The following PRKN variants were observed in gnomAD, a reference collection of about 807,000 sequenced individuals.
PRKN encodes the protein parkin RBR E3 ubiquitin protein ligase, also known as E3 ubiquitin-protein ligase parkin.
Under a neutral mutation model 59.5 loss-of-function variants are expected in PRKN, and 56 were observed. The ratio of observed to expected loss-of-function variants is 0.94; its 90% CI spans 0.76 to 1.18. PRKN has a LOEUF of 1.18. PRKN is among the 50% of genes most tolerant of loss of function. The pLI is 0.00. For synonymous variants in PRKN, 250 were observed against 222.1 expected (o/e 1.13, Z -1.12); for missense variants, 657 against 596.4 (o/e 1.10, Z -1.06).
intron 1 of PRKN, among the ~76,000 whole-genome samples, chr6:162,480,416 C>G (rs1792247666): frequency 6.6e-6 from 1 of 151,926 alleles, no homozygotes. Context: ...TACTGACGAC[C>G]AAAAATAGGG....
chr6:161,557,944 A>G (rs1780301051), intron 8 of PRKN, among the ~76,000 whole-genome samples: 1 of 152,138 alleles, frequency 6.6e-6, no homozygotes, highest in Non-Finnish European at 1.5e-5. Flanking sequence ...AGCTTTTGTT[A>G]CATCTCAGCC....
chr6:162,504,266 C>T (rs12524214), intron 1 of PRKN, among the ~76,000 whole-genome samples: 39,793 of 152,098 alleles, frequency 0.26, 6,354 homozygotes, highest in Middle Eastern at 0.37. Flanking sequence ...ATACGAGACA[C>T]GTGTTTTAGG....
At chr6:162,456,802 C>T (rs1020761561) in intron 1 of PRKN, among the ~76,000 whole-genome samples, 7 of 152,112 alleles carry the variant, frequency 4.6e-5, no homozygotes, top group African/African-American at 1.7e-4. Context: ...ATTAACATTG[C>T]ACTCATAGCC....
chr6:161,550,183 CA>C lies in PRKN; in HGVS notation c.934-1181del. ...ATGTGGTTGGCTGTTCAGGGTACAA[CA>C]AGGGGGGCAGTGGGGCGGAGGCAGA... On this transcript the variant is annotated intron_variant, in intron 8 of 11. Transcript: ENST00000366898. The surrounding 1 kb of genome is among the most constrained non-coding windows in gnomAD (Gnocchi z 4.0). 6.6e-6 allele frequency among the ~76,000 whole-genome samples: 1 copy of C among 152,098 alleles called. No individual in the cohort carries two copies. Among genetic ancestry groups the C allele is most frequent in the Non-Finnish European group, 1.5e-5 (1 of 67,972 alleles).
At chr6:161,901,077 G>A (rs934343196) in intron 6 of PRKN, among the ~76,000 whole-genome samples, 4 of 151,150 alleles carry the variant, frequency 2.6e-5, no homozygotes, top group African/African-American at 9.7e-5. Flanking sequence ...CAGGACGCCC[G>A]GCTAATTTTT....
At chr6:161,906,307 A>C (rs1322954492) in intron 6 of PRKN, among the ~76,000 whole-genome samples, 1 of 152,202 alleles carries the variant, frequency 6.6e-6, no homozygotes, top group African/African-American at 2.4e-5. Context: ...ACTCGTTTAC[A>C]CATTTGATAA....
chr6:162,493,366 A>G (rs552609801), intron 1 of PRKN, among the ~76,000 whole-genome samples: 34 of 152,280 alleles, frequency 2.2e-4, no homozygotes, highest in Admixed American at 9.8e-4. Context: ...TATGGACTTG[A>G]AAGAACTTTT....
chr6:162,109,034 T>C (rs765281977), intron 4 of PRKN, among the ~76,000 whole-genome samples: 13 of 152,218 alleles, frequency 8.5e-5, no homozygotes, highest in Non-Finnish European at 1.9e-4. Flanking sequence ...CATCCATATT[T>C]ATACCCACTT....
chr6:162,318,849 G>C (rs775855766), intron 2 of PRKN, among the ~76,000 whole-genome samples: 1 of 152,010 alleles, frequency 6.6e-6, no homozygotes, highest in Non-Finnish European at 1.5e-5. Context: ...ACTTTTCAAT[G>C]CCATTGATCA....
intron 3 of PRKN, among the ~76,000 whole-genome samples, chr6:162,224,962 G>A (rs1281097020): frequency 2.6e-5 from 4 of 152,268 alleles, no homozygotes; most frequent in Middle Eastern, 3.4e-3. Flanking sequence ...GGGAGAGACA[G>A]GCCTGTTGTC....
At chr6:161,680,781 T>G (rs796496221) in intron 7 of PRKN, among the ~76,000 whole-genome samples, 2,959 of 93,772 alleles carry the variant, frequency 0.032, 326 homozygotes, top group South Asian at 0.094. Flanking sequence ...ATATATTTTT[T>G]TTTTTTTTTC....
rs903552636 is a variant in PRKN, at chr6:161,579,933, T to C, written c.872-10517A>G. Reference sequence around the variant, plus strand: ...TTACTGAAAGGCATCTTTCAAATTCTTATAAAAAACAAAACCCATGTAAGC... The same window carrying C: ...TTACTGAAAGGCATCTTTCAAATTCCTATAAAAAACAAAACCCATGTAAGC... On this transcript the variant is annotated intron_variant, in intron 7 of 11. Transcript: ENST00000366898. The surrounding 1 kb of genome is among the most constrained non-coding windows in gnomAD (Gnocchi z 4.2). Among the ~76,000 whole-genome samples, 1 of 152,232 alleles carries C rather than the reference T, an allele frequency of 6.6e-6. No homozygotes were observed. The highest frequency in any genetic ancestry group is 1.5e-5 in the Non-Finnish European group (1 of 68,038).
chr6:161,702,364 A>G (rs1302254260), intron 7 of PRKN, among the ~76,000 whole-genome samples: 2 of 152,224 alleles, frequency 1.3e-5, no homozygotes, highest in East Asian at 3.9e-4. Context: ...CCTTGAAAAG[A>G]GGGAAATTCT....
In PRKN at chr6:161,545,190, T is replaced by C; in HGVS notation, c.1083+3664A>G. The C allele has an allele frequency of 2.9e-6, 4 of 1,373,774 alleles. No individual in the cohort carries two copies. The South Asian group carries it at 7.6e-5, about 26-fold the overall frequency. 85.1% of individuals were successfully genotyped at this position (1,373,774 alleles called of 1,614,324 possible). A position where few individuals can be genotyped will look rare whatever the true frequency, so the allele number is the denominator to read the frequency against. ...TTGCATACCCACATGGTAAGAGTTG[T>C]ACTTTTTCTATCTTGATAATTGAGG... On this transcript the variant is annotated intron_variant, in intron 9 of 11. Coordinates refer to ENST00000366898, the MANE Select transcript of PRKN (RefSeq NM_004562.3). This position sits in a 1 kb window ranked among gnomAD's most constrained non-coding sequence, Gnocchi z 4.1.
At chr6:161,425,517 G>A (rs1055826344) in intron 9 of PRKN, among the ~76,000 whole-genome samples, 13 of 149,064 alleles carry the variant, frequency 8.7e-5, no homozygotes, top group Non-Finnish European at 1.5e-4. Flanking sequence ...TCCGATTGGT[G>A]TCCAACGCTG....
chr6:161,888,889 T>TA (rs138064971), intron 6 of PRKN, among the ~76,000 whole-genome samples: 1 of 152,178 alleles, frequency 6.6e-6, no homozygotes, highest in Non-Finnish European at 1.5e-5. Flanking sequence ...ATTTCTTTTT[T>TA]AGAGTACTTA....
chr6:162,157,445 T>C (rs1445601013), intron 4 of PRKN, among the ~76,000 whole-genome samples: 3 of 151,876 alleles, frequency 2.0e-5, no homozygotes, highest in African/African-American at 7.3e-5. Context: ...AAGCACAATT[T>C]ACATTTTCTA....
At chr6:162,235,969 GAAAGAAAGAAAGAAAGA>G (rs1778668990) in intron 3 of PRKN, among the ~76,000 whole-genome samples, 1 of 76,620 alleles carries the variant, frequency 1.3e-5, no homozygotes, top group African/African-American at 5.5e-5. Flanking sequence ...AAGAAAGAAA[GAAAGAAAGAAAGAAAGA>G]AAGAAAGAAA....
intron 3 of PRKN, among the ~76,000 whole-genome samples, chr6:162,221,557 T>C (rs1777936741): frequency 6.6e-6 from 1 of 152,192 alleles, no homozygotes; most frequent in Non-Finnish European, 1.5e-5. Flanking sequence ...GATGCCACAG[T>C]GGTATGGCCA....
Sources: allele counts gnomAD v4.1 joint callset (sites outside exome capture counted in the v4.1 genomes callset), GRCh38; gene constraint gnomAD v4.1.1; non-coding constraint Gnocchi (gnomAD v3.1); transcripts MANE v1.5; gene names NCBI Gene and HGNC (gene_info 2026-07-23, HGNC 2026-07-21).